CNTN3: variants seen among roughly 807,000 people sequenced by gnomAD.
CNTN3 encodes the protein contactin-3.
A neutral mutation model predicts 119.1 loss-of-function variants in CNTN3; 60 were observed. The observed-to-expected ratio is 0.50, with a 90% confidence interval of 0.41 to 0.62. The LOEUF is 0.62. CNTN3 is among the 20% of genes least tolerant of loss of function. CNTN3 has a pLI of 0.00. For missense variants in CNTN3, 1,101 were observed against 1,242.4 expected (o/e 0.89, Z 1.71); for synonymous variants, 450 against 438.7 (o/e 1.03, Z -0.32).
At chr3:74,449,537 G>A (rs1454764248) in intron 4 of CNTN3, among the ~76,000 whole-genome samples, 1 of 152,056 alleles carries the variant, frequency 6.6e-6, no homozygotes. Flanking sequence ...TGTAGTTAGG[G>A]AAGGGGTTTT....
In CNTN3 at chr3:74,454,245, G is replaced by C. The variant is rs532896149; in HGVS notation, c.359-29305C>G. Among the ~76,000 whole-genome samples the C allele has an allele frequency of 4.1e-3, 542 of 133,382 alleles. 1 individual carries two copies. The highest frequency in any genetic ancestry group is 0.014 in the African/African-American group (492 of 35,422). 87.5% of individuals were successfully genotyped at this position (133,382 alleles called of 152,430 possible). The stretch of plus-strand genomic sequence containing the variant: ...GATAGTTAGCTCTTCTTGTTGAATT[G>C]ATCCCTTTACCATTATGTAATGGCC... On this transcript the variant is annotated intron_variant, in intron 4 of 22. Coordinates refer to ENST00000263665, the MANE Select transcript of CNTN3 (RefSeq NM_020872.3).
At chr3:74,502,434 TAAAC>T (rs2107084365) in intron 2 of CNTN3, among the ~76,000 whole-genome samples, 1 of 152,290 alleles carries the variant, frequency 6.6e-6, no homozygotes, top group East Asian at 1.9e-4. Context: ...ATAAAAATGT[TAAAC>T]TACTAGGAGC....
At chr3:74,531,532 C>T (rs1230441533) in intron 1 of CNTN3, among the ~76,000 whole-genome samples, 6 of 151,916 alleles carry the variant, frequency 3.9e-5, no homozygotes, top group Non-Finnish European at 2.9e-5. Context: ...GAGATAAACA[C>T]AGGGACACAG....
intron 5 of CNTN3, among the ~76,000 whole-genome samples, chr3:74,421,088 T>C (rs1023207936): frequency 5.3e-5 from 8 of 152,202 alleles, no homozygotes; most frequent in Non-Finnish European, 1.0e-4. Context: ...GCAGGTAATT[T>C]CCACAAAGGA....
chr3:74,275,153 A>G (rs1297093523), intron 20 of CNTN3, among the ~76,000 whole-genome samples: 2 of 152,186 alleles, frequency 1.3e-5, no homozygotes, highest in Non-Finnish European at 2.9e-5. Context: ...GTCTGGGATT[A>G]TATTAAACAA....
In CNTN3 at chr3:74,415,084, A is replaced by T. The variant is rs116793121; in HGVS notation, c.454+9761T>A. The stretch of plus-strand genomic sequence containing the variant: ...AGTAGATTTAAACCCCTGAGTTTCC[A>T]CATGTAATTTTTTGATGGGCTTCAG... On this transcript the variant is annotated intron_variant, in intron 5 of 22. Transcript: ENST00000263665. Among the ~76,000 whole-genome samples, 632 of 152,234 alleles carry T rather than the reference A, an allele frequency of 4.2e-3. 3 individuals carry two copies. Among genetic ancestry groups the T allele is most frequent in the African/African-American group, 0.014 (574 of 41,538 alleles).
intron 3 of CNTN3, among the ~76,000 whole-genome samples, chr3:74,489,344 C>T (rs1479641322): frequency 1.3e-5 from 2 of 152,086 alleles, no homozygotes; most frequent in Non-Finnish European, 2.9e-5. Context: ...GAACTGCTCA[C>T]TTTTAATTTA....
intron 13 of CNTN3, among the ~76,000 whole-genome samples, chr3:74,321,945 T>C (rs941569040): frequency 1.3e-5 from 2 of 152,108 alleles, no homozygotes; most frequent in East Asian, 3.9e-4. Context: ...GGTTCAATGG[T>C]GAATCCGAGG....
Position 74,595,095 on chromosome 3 carries a change from C to T in CNTN3, c.-81+19296G>A, listed in dbSNP as rs1190714288. ...TGTCTTTTGGCTGCATAAATGTCTT[C>T]TTTTGAGAAGTGTCTGTTCATATAC... On this transcript the variant is annotated intron_variant, in intron 1 of 22. Coordinates refer to ENST00000263665, the MANE Select transcript of CNTN3 (RefSeq NM_020872.3). Among the ~76,000 whole-genome samples the T allele has an allele frequency of 2.6e-5, 4 of 152,074 alleles. No individual in the cohort carries two copies. In the South Asian group the frequency reaches 6.2e-4, roughly 24 times the overall value.
chr3:74,575,687 G>C lies in CNTN3; in HGVS notation c.-81+38704C>G, dbSNP rs373591227. On this transcript the variant is annotated intron_variant, in intron 1 of 22. Coordinates refer to ENST00000263665, the MANE Select transcript of CNTN3 (RefSeq NM_020872.3). ...GGGCTTTTATAGTCCTTTGATTTAGGGGGAGGATATTTGGGGGAAGACATC... is the reference window on the plus strand; with the variant it reads ...GGGCTTTTATAGTCCTTTGATTTAGCGGGAGGATATTTGGGGGAAGACATC... Among the ~76,000 whole-genome samples the C allele has an allele frequency of 1.0e-4, 15 of 149,276 alleles. No homozygotes were observed. In the South Asian group the frequency reaches 3.2e-3, roughly 31 times the overall value.
chr3:74,613,928 C>T (rs1387542732), intron 1 of CNTN3, among the ~76,000 whole-genome samples: 1 of 152,198 alleles, frequency 6.6e-6, no homozygotes, highest in Non-Finnish European at 1.5e-5. Context: ...AAAACTTGAT[C>T]GCTAATGAAA....
At chr3:74,571,926 G>A (rs924017134) in intron 1 of CNTN3, among the ~76,000 whole-genome samples, 15 of 152,180 alleles carry the variant, frequency 9.9e-5, no homozygotes, top group African/African-American at 2.9e-4. Flanking sequence ...ACCAGTCAGG[G>A]TATCATATGA....
intron 5 of CNTN3, among the ~76,000 whole-genome samples, chr3:74,421,202 G>A (rs1379114683): frequency 2.0e-5 from 3 of 151,868 alleles, no homozygotes; most frequent in South Asian, 2.1e-4. Context: ...ACAGAGTCTC[G>A]CTCTGTTGCC....
At chr3:74,528,004 A>G (rs1703643634) in intron 1 of CNTN3, among the ~76,000 whole-genome samples, 1 of 151,864 alleles carries the variant, frequency 6.6e-6, no homozygotes. Flanking sequence ...CCTAAAAATA[A>G]CCTTTACACA....
intron 12 of CNTN3, 97 bp downstream of exon 12, chr3:74,336,434 G>T: frequency 7.9e-7 from 1 of 1,267,046 alleles, no homozygotes; most frequent in Non-Finnish European, 1.1e-6. Flanking sequence ...TACCTTCATA[G>T]TGTACTGAAC....
chr3:74,454,928 G>C (rs1370180448), intron 4 of CNTN3, among the ~76,000 whole-genome samples: 2 of 152,044 alleles, frequency 1.3e-5, no homozygotes, highest in East Asian at 3.9e-4. Flanking sequence ...TTTCTCTCTG[G>C]CTGCCCTTAA....
intron 11 of CNTN3, among the ~76,000 whole-genome samples, chr3:74,337,036 G>A (rs1435495863): frequency 1.3e-5 from 2 of 152,118 alleles, no homozygotes; most frequent in African/African-American, 4.8e-5. Context: ...TTAAAGAAAT[G>A]CAAAGTAGGC....
intron 5 of CNTN3, among the ~76,000 whole-genome samples, chr3:74,397,772 A>C (rs80226275): frequency 0.012 from 1,869 of 152,286 alleles, 31 homozygotes; most frequent in African/African-American, 0.043. Context: ...CCCAGATGCC[A>C]TTAGAAACAC....
At chr3:74,555,686 T>C (rs1195513514) in intron 1 of CNTN3, among the ~76,000 whole-genome samples, 1 of 152,252 alleles carries the variant, frequency 6.6e-6, no homozygotes. Flanking sequence ...CTAGATTTTC[T>C]AGTTCATTTG....
Sources: allele counts gnomAD v4.1 joint callset (sites outside exome capture counted in the v4.1 genomes callset), GRCh38; gene constraint gnomAD v4.1.1; transcripts MANE v1.5; gene names NCBI Gene and HGNC (gene_info 2026-07-23, HGNC 2026-07-21).